Variants in ADCY1 observed in about 807,000 individuals in gnomAD.
ADCY1 encodes the protein adenylate cyclase type 1.
A neutral mutation model predicts 105.4 loss-of-function variants in ADCY1; 28 were observed. The observed-to-expected ratio is 0.27, with a 90% confidence interval of 0.20 to 0.36. The LOEUF (loss-of-function observed/expected upper bound fraction) is 0.36, where lower values mean the gene tolerates loss of function less well. ADCY1 is among the 10% of genes least tolerant of loss of function. The pLI is 1.00. For synonymous variants in ADCY1, 655 were observed against 623.8 expected, an observed-to-expected ratio of 1.05 and a Z score of -0.75; for missense variants, 977 against 1,434.2, an observed-to-expected ratio of 0.68 and a Z score of 5.15.
intron 8 of ADCY1, among the ~76,000 whole-genome samples, chr7:45,665,808 C>T (rs1784233668): frequency 6.6e-6 from 1 of 152,176 alleles, no homozygotes; most frequent in South Asian, 2.1e-4. Flanking sequence ...GTGACTTTAC[C>T]ACTGGCTTGT....
At chr7:45,601,835 G>A (rs1056275673) in intron 2 of ADCY1, among the ~76,000 whole-genome samples, 1 of 152,128 alleles carries the variant, frequency 6.6e-6, no homozygotes, top group Non-Finnish European at 1.5e-5. Flanking sequence ...CCTGGAGATG[G>A]TGCCAGGAGA....
chr7:45,679,631 G>T, intron 10 of ADCY1, 78 bp from the exon 11 acceptor site: 1 of 1,446,338 alleles, frequency 6.9e-7, no homozygotes, highest in East Asian at 2.3e-5. Context: ...GGAGGGAGGG[G>T]CCAATTCTCA....
chr7:45,676,092 A>G (rs1038995709), intron 8 of ADCY1, among the ~76,000 whole-genome samples: 12 of 149,980 alleles, frequency 8.0e-5, no homozygotes, highest in Middle Eastern at 3.5e-3. Flanking sequence ...TTCAGATTGG[A>G]TAATTTCTGT....
At chr7:45,685,678 TG>T (rs948053096) in intron 12 of ADCY1, among the ~76,000 whole-genome samples, 5 of 150,776 alleles carry the variant, frequency 3.3e-5, no homozygotes, top group African/African-American at 1.2e-4. Context: ...AGTAACAGGT[TG>T]GAGCTGGGGG....
chr7:45,613,854 T>G (rs1352799211), intron 3 of ADCY1, among the ~76,000 whole-genome samples: 1 of 151,282 alleles, frequency 6.6e-6, no homozygotes, highest in African/African-American at 2.4e-5. Flanking sequence ...CAGAAGGGAG[T>G]GGGATGATAT....
intron 2 of ADCY1, among the ~76,000 whole-genome samples, chr7:45,601,958 T>A (rs146662020): frequency 2.8e-4 from 42 of 152,194 alleles, no homozygotes; most frequent in Non-Finnish European, 4.6e-4. Context: ...GCTGTAGAGA[T>A]GCTCTCAGAA....
At chr7:45,692,291 C>T (rs1784798856) in intron 14 of ADCY1, among the ~76,000 whole-genome samples, 1 of 152,190 alleles carries the variant, frequency 6.6e-6, no homozygotes, top group Non-Finnish European at 1.5e-5. Flanking sequence ...TGCCTCCATC[C>T]AACAGGTGCT....
At position 45,627,485 on chromosome 7, in the gene ADCY1, C is replaced by T. The variant is rs561542276; in HGVS notation, c.1020+4742C>T. ...TGTCTGAGTTGGCACTGAGTCCCAG[C>T]GCTGACCATGGAGCCTGGCACACAA... On this transcript the variant is annotated intron_variant, in intron 4 of 19. Coordinates refer to ENST00000297323, the MANE Select transcript of ADCY1 (RefSeq NM_021116.4). Among the ~76,000 whole-genome samples the T allele has an allele frequency of 6.6e-5, 10 of 152,314 alleles. No homozygotes were observed. The South Asian group carries it at 1.2e-3, about 19-fold the overall frequency.
intron 6 of ADCY1, among the ~76,000 whole-genome samples, 170 bp downstream of exon 6, chr7:45,658,055 G>A (rs975500656): frequency 2.0e-5 from 3 of 152,188 alleles, no homozygotes; most frequent in Non-Finnish European, 4.4e-5. Context: ...CCCTGTGGTG[G>A]GCGTCCCACC....
intron 14 of ADCY1, among the ~76,000 whole-genome samples, chr7:45,696,736 A>G (rs908500745): frequency 2.6e-5 from 4 of 152,128 alleles, no homozygotes; most frequent in Admixed American, 1.3e-4. Context: ...TCTGAGGCCT[A>G]TGCTTCTCCC....
At chr7:45,711,950 T>TATATTATATTAAATATATAAATACA (rs1562736028) in intron 19 of ADCY1, among the ~76,000 whole-genome samples, 4 of 91,254 alleles carry the variant, frequency 4.4e-5, no homozygotes, top group Admixed American at 1.6e-4. Context: ...TAAATACATA[T>TATATTATATTAAATATATAAATACA]TATATTAAAT....
Position 45,574,965 on chromosome 7 carries a change from C to A in ADCY1, c.422C>A (p.Ala141Glu). The change falls in exon 1 of 20, where the codon GCG (alanine) becomes GAG (glutamate). Residue 141 changes from alanine (A) to glutamate (E), a missense_variant. This residue lies in a region of ADCY1 where 209 missense variants were observed against 222.5 expected (regional missense o/e 0.94). Coordinates refer to ENST00000297323, the MANE Select transcript of ADCY1 (RefSeq NM_021116.4). This position sits in a 1 kb window ranked among gnomAD's most constrained non-coding sequence, Gnocchi z 7.0. ...LTFALLCCPF[A>E]LGGPARGSAG... is the part of the protein sequence containing the mutation. ...TTCGCGCTGCTCTGCTGTCCTTTCG[C>A]GCTGGGCGGCCCCGCCCGGGGTTCC... 6.2e-7 allele frequency: 1 copy of A among 1,611,324 alleles called. No homozygotes were observed. The highest frequency in any genetic ancestry group is 8.5e-7 in the Non-Finnish European group (1 of 1,179,266).
intron 5 of ADCY1, among the ~76,000 whole-genome samples, chr7:45,657,325 C>G (rs144493208): frequency 6.6e-6 from 1 of 152,236 alleles, no homozygotes; most frequent in South Asian, 2.1e-4. Context: ...TGGGTCCCTG[C>G]GAGGGAGCAG....
Position 45,686,021 on chromosome 7 carries a change from G to C in ADCY1, c.2133G>C (p.Ser711=), listed in dbSNP as rs149908239. 2 of 1,613,888 alleles carry C rather than the reference G, an allele frequency of 1.2e-6. No homozygotes were observed. Among genetic ancestry groups the C allele is most frequent in the South Asian group, 1.1e-5 (1 of 91,062 alleles). ...CCAACAGTTCCCTGGTGGTCCTTTC[G>C]TCTGGGGGCCAGCGCACAGCCCTGC... is the stretch of plus-strand genomic sequence containing the variant. ...SKPNSSLVVL[S]SGGQRTALPT... The change falls in exon 13 of 20, where the codon TCG becomes TCC. Residue 711 remains serine, a synonymous_variant. Transcript: ENST00000297323. This position sits in a 1 kb window ranked among gnomAD's most constrained non-coding sequence, Gnocchi z 4.3.
chr7:45,611,873 C>T (rs1793602528), intron 3 of ADCY1, among the ~76,000 whole-genome samples: 2 of 152,118 alleles, frequency 1.3e-5, no homozygotes, highest in African/African-American at 2.4e-5. Flanking sequence ...GGTGTCAGGC[C>T]TCACTGCCCA....
chr7:45,664,990 C>T (rs552557178), intron 8 of ADCY1, among the ~76,000 whole-genome samples: 21 of 152,246 alleles, frequency 1.4e-4, no homozygotes, highest in African/African-American at 5.1e-4. Context: ...TCCATGTATT[C>T]TCATTGTTCA....
chr7:45,677,790 G>T, intron 8 of ADCY1, 79 bp from the exon 9 acceptor site: 1 of 1,472,202 alleles, frequency 6.8e-7, no homozygotes, highest in South Asian at 1.3e-5. Flanking sequence ...AGCGGATCTG[G>T]CTGGAGGGAG....
chr7:45,605,025 A>G (rs1228469840), intron 2 of ADCY1, among the ~76,000 whole-genome samples: 2 of 152,190 alleles, frequency 1.3e-5, no homozygotes, highest in South Asian at 2.1e-4. Flanking sequence ...TTTTTAACAT[A>G]CAAATCCTAT....
intron 2 of ADCY1, among the ~76,000 whole-genome samples, chr7:45,593,215 C>G (rs1584254748): frequency 6.6e-6 from 1 of 152,206 alleles, no homozygotes; most frequent in Non-Finnish European, 1.5e-5. Context: ...CGAGGCAGGT[C>G]CTGGCTGGGC....
Sources: gnomAD v4.1 joint callset for allele counts (sites outside exome capture counted in the v4.1 genomes callset) on GRCh38, gnomAD v4.1.1 for gene constraint, gnomAD v4.1.1 regional missense constraint, Gnocchi (gnomAD v3.1) non-coding constraint, MANE v1.5 for transcripts, NCBI Gene and HGNC (gene_info 2026-07-23, HGNC 2026-07-21) for gene names.